SND1: variants seen among roughly 807,000 people sequenced by gnomAD.
SND1 encodes staphylococcal nuclease domain-containing protein 1.
SND1 carries 38 observed loss-of-function variants against 121.7 expected under a neutral mutation model. The observed-to-expected ratio is 0.31, with a 90% CI of 0.24 to 0.41. The LOEUF is 0.41. SND1 is among the 10% of genes least tolerant of loss of function. The pLI, the probability that SND1 is intolerant of heterozygous loss-of-function variation, is 1.00. For synonymous variants in SND1, 401 were observed against 447.4 expected (o/e 0.90, Z 1.31); for missense variants, 868 against 1,184.6 (o/e 0.73, Z 3.92).
intron 10 of SND1, among the ~76,000 whole-genome samples, chr7:127,790,904 G>A (rs1016067878): frequency 6.6e-6 from 1 of 152,166 alleles, no homozygotes; most frequent in Non-Finnish European, 1.5e-5. Flanking sequence ...AGGACCATAA[G>A]ATCCATTCGT....
At chr7:127,889,916 C>T (rs1323787906) in intron 13 of SND1, among the ~76,000 whole-genome samples, 3 of 152,010 alleles carry the variant, frequency 2.0e-5, no homozygotes, top group East Asian at 1.9e-4. Flanking sequence ...TTTCTTTATC[C>T]GTTCATCTGT....
In SND1 at chr7:128,042,446, C is replaced by G. The variant is rs959256136; in HGVS notation, c.1780-32056C>G. The G allele has an allele frequency of 2.4e-4, 36 of 152,330 alleles. 1 individual carries two copies. Among genetic ancestry groups the G allele is most frequent in the South Asian group, 1.0e-3 (5 of 4,830 alleles). 9.4% of individuals were successfully genotyped at this position (152,330 alleles called of 1,614,324 possible). ...AGCAGGATCCATTCAAGGTGGTGCC[C>G]GTGTATGCAAGAGAGACAGTAAGTG... is the stretch of plus-strand genomic sequence containing the variant. On this transcript the variant is annotated intron_variant, in intron 16 of 23. Coordinates refer to ENST00000354725, the MANE Select transcript of SND1 (RefSeq NM_014390.4).
At chr7:128,001,087 C>T (rs1434943469) in intron 16 of SND1, among the ~76,000 whole-genome samples, 6 of 152,180 alleles carry the variant, frequency 3.9e-5, no homozygotes, top group African/African-American at 1.4e-4. Flanking sequence ...ACTTGCTACT[C>T]CACCCGTGAC....
In SND1 at chr7:127,680,860, T is replaced by A. The variant is rs192700296; in HGVS notation, c.79-5753T>A. On this transcript the variant is annotated intron_variant, in intron 1 of 23. Transcript: ENST00000354725. ...GGGGAATTGATAAGTGTTCATGGAATCTTCACAATTTATGTTTAGAGATTG... is the reference window on the plus strand; with the variant it reads ...GGGGAATTGATAAGTGTTCATGGAAACTTCACAATTTATGTTTAGAGATTG... Among the ~76,000 whole-genome samples the A allele has an allele frequency of 9.1e-4, 139 of 151,976 alleles. 1 individual carries two copies. The highest frequency in any genetic ancestry group is 3.4e-3 in the Middle Eastern group (1 of 294).
chr7:127,945,020 A>G (rs1801297481), intron 15 of SND1, among the ~76,000 whole-genome samples: 1 of 152,110 alleles, frequency 6.6e-6, no homozygotes, highest in Non-Finnish European at 1.5e-5. Context: ...TCCCTCTGAC[A>G]TCACTGTTTC....
chr7:127,932,684 GC>G (rs937460743), intron 15 of SND1, among the ~76,000 whole-genome samples: 8 of 137,544 alleles, frequency 5.8e-5, no homozygotes, highest in African/African-American at 1.7e-4. Flanking sequence ...TTTTGCCACA[GC>G]CACCACCTCC....
chr7:128,061,981 C>T (rs947239701), intron 16 of SND1, among the ~76,000 whole-genome samples: 1 of 152,246 alleles, frequency 6.6e-6, no homozygotes, highest in Non-Finnish European at 1.5e-5. Flanking sequence ...AAGGCCTCTT[C>T]ACTTTCCTTG....
At chr7:127,686,938 C>A in intron 2 of SND1, 176 bp downstream of exon 2, 1 of 640,168 alleles carries the variant, frequency 1.6e-6, no homozygotes, top group Non-Finnish European at 2.5e-6. Flanking sequence ...TATATGTTTA[C>A]TACCTTTAGT....
chr7:128,005,827 C>T (rs1802960793), intron 16 of SND1, among the ~76,000 whole-genome samples: 1 of 152,194 alleles, frequency 6.6e-6, no homozygotes, highest in South Asian at 2.1e-4. Flanking sequence ...GGCTCTCTAG[C>T]AGAGGCAATA....
chr7:127,721,409 AG>A lies in SND1; in HGVS notation c.1152+12del. On this transcript the variant is annotated intron_variant, in intron 10 of 23. Transcript: ENST00000354725. ...AGGGGGAGAACACCCAGGTGAGAATAGGGAAGCAGCCGCGCCTCTTTGCATA... is the reference window on the plus strand; with the variant it reads ...AGGGGGAGAACACCCAGGTGAGAATAGGAAGCAGCCGCGCCTCTTTGCATA... 1 of 1,557,300 alleles carries A rather than the reference AG, an allele frequency of 6.4e-7. No homozygotes were observed.
At chr7:127,999,728 C>G (rs1802775158) in intron 16 of SND1, 1 of 152,142 alleles carries the variant, frequency 6.6e-6, no homozygotes, top group African/African-American at 2.4e-5. Flanking sequence ...AGAGCCTTGC[C>G]AAGCAGAACC....
chr7:127,897,057 C>T (rs939568643), intron 13 of SND1, among the ~76,000 whole-genome samples: 4 of 152,152 alleles, frequency 2.6e-5, no homozygotes, highest in Non-Finnish European at 4.4e-5. Flanking sequence ...TTCATAGCTT[C>T]TTTCATTTGC....
chr7:127,703,802 A>AT (rs1796145289), intron 7 of SND1, among the ~76,000 whole-genome samples: 1 of 152,148 alleles, frequency 6.6e-6, no homozygotes, highest in Non-Finnish European at 1.5e-5. Context: ...GAATTGGACA[A>AT]TTTTCTCACC....
chr7:127,864,463 T>C (rs1224325030), intron 12 of SND1, among the ~76,000 whole-genome samples: 4 of 152,026 alleles, frequency 2.6e-5, no homozygotes, highest in Non-Finnish European at 5.9e-5. Flanking sequence ...GAGCATGTCC[T>C]TGTTTTTCTG....
chr7:127,974,496 C>T (rs553161285), intron 15 of SND1, among the ~76,000 whole-genome samples: 10 of 152,300 alleles, frequency 6.6e-5, no homozygotes, highest in South Asian at 6.2e-4. Context: ...TTCACTACCT[C>T]GGGAGCCATT....
intron 14 of SND1, among the ~76,000 whole-genome samples, chr7:127,918,198 A>G (rs1800627512): frequency 6.6e-6 from 1 of 151,496 alleles, no homozygotes; most frequent in Non-Finnish European, 1.5e-5. Flanking sequence ...AGGTGGGATT[A>G]TAAGTGCCTG....
chr7:128,044,915 C>T (rs1792920133), intron 16 of SND1, among the ~76,000 whole-genome samples: 1 of 152,028 alleles, frequency 6.6e-6, no homozygotes, highest in Non-Finnish European at 1.5e-5. Context: ...TTCTAAAATC[C>T]TTATTTTTGC....
intron 11 of SND1, among the ~76,000 whole-genome samples, chr7:127,838,115 C>T (rs1027418454): frequency 1.3e-5 from 2 of 152,138 alleles, no homozygotes; most frequent in East Asian, 1.9e-4. Flanking sequence ...GAAGGGCTTA[C>T]AGAACAGGTG....
At chr7:127,915,201 A>T (rs1336812420) in intron 14 of SND1, among the ~76,000 whole-genome samples, 1 of 151,902 alleles carries the variant, frequency 6.6e-6, no homozygotes, top group African/African-American at 2.4e-5. Flanking sequence ...TTTTGTAGAG[A>T]TGGGGTTTTG....
Sources: gnomAD v4.1 joint callset for allele counts (sites outside exome capture counted in the v4.1 genomes callset) on GRCh38, gnomAD v4.1.1 for gene constraint, MANE v1.5 for transcripts, NCBI Gene and HGNC (gene_info 2026-07-23, HGNC 2026-07-21) for gene names.